RSF1: variants seen among roughly 807,000 people sequenced by gnomAD.
The protein encoded by RSF1 is HBV pX-associated protein 8.
A neutral mutation model predicts 145.2 loss-of-function variants in RSF1; 13 were observed. The ratio of observed to expected loss-of-function variants is 0.09; its 90% confidence interval spans 0.06 to 0.14. The LOEUF (loss-of-function observed/expected upper bound fraction) is 0.14, where lower values mean the gene tolerates loss of function less well. RSF1 is among the 10% of genes least tolerant of loss of function. The pLI is 1.00. For missense variants in RSF1, 1,517 were observed against 1,718.2 expected (o/e 0.88, Z 2.07); for synonymous variants, 577 against 592.6 (o/e 0.97, Z 0.38).
intron 1 of RSF1, among the ~76,000 whole-genome samples, chr11:77,769,868 T>C (rs1370901703): frequency 1.3e-5 from 2 of 152,236 alleles, no homozygotes; most frequent in Admixed American, 6.5e-5. Flanking sequence ...GATACAGTTA[T>C]GGAAACAGTT....
intron 15 of RSF1, 92 bp from the exon 16 acceptor site, chr11:77,667,583 CT>C: frequency 8.6e-7 from 1 of 1,156,436 alleles, no homozygotes; most frequent in Non-Finnish European, 1.2e-6. Context: ...CCACGTCCTG[CT>C]TTCAGAATTG....
At chr11:77,832,199 T>G in the RSF1 span, among the ~76,000 whole-genome samples, 6 of 152,174 alleles carry the variant, frequency 3.9e-5, no homozygotes, top group Non-Finnish European at 7.3e-5. Context: ...GTACTTACAA[T>G]TATAGGTTTG....
the RSF1 span, among the ~76,000 whole-genome samples, chr11:77,857,199 A>C: frequency 6.6e-6 from 1 of 152,236 alleles, no homozygotes; most frequent in Non-Finnish European, 1.5e-5. Context: ...GCCACGGTAG[A>C]TGAACCAAGA....
chr11:77,809,098 G>A (rs951864362), intron 1 of RSF1, among the ~76,000 whole-genome samples: 3 of 152,158 alleles, frequency 2.0e-5, no homozygotes, highest in Middle Eastern at 3.2e-3. Context: ...AGCATTACAA[G>A]TATCTTTTTA....
chr11:77,780,260 C>A (rs772308095), intron 1 of RSF1, among the ~76,000 whole-genome samples: 1 of 152,152 alleles, frequency 6.6e-6, no homozygotes, highest in African/African-American at 2.4e-5. Flanking sequence ...ACCCAAGTAA[C>A]TAACTGATTA....
chr11:77,790,063 T>G (rs778111695), intron 1 of RSF1, among the ~76,000 whole-genome samples: 3 of 152,200 alleles, frequency 2.0e-5, no homozygotes, highest in Admixed American at 6.5e-5. Context: ...GCTGACTGCC[T>G]AAGAGCCTGT....
intron 2 of RSF1, among the ~76,000 whole-genome samples, chr11:77,759,184 T>C (rs577573248): frequency 6.6e-6 from 1 of 152,308 alleles, no homozygotes; most frequent in East Asian, 1.9e-4. Flanking sequence ...AAATAAGTAT[T>C]TTATACTATA....
intron 8 of RSF1, 105 bp downstream of exon 8, chr11:77,693,402 T>C: frequency 1.5e-6 from 1 of 682,592 alleles, no homozygotes; most frequent in Non-Finnish European, 2.6e-6. Flanking sequence ...AAATACTATT[T>C]ACACATTGCT....
the RSF1 span, among the ~76,000 whole-genome samples, chr11:77,862,399 G>A: frequency 6.6e-6 from 1 of 152,204 alleles, no homozygotes; most frequent in Non-Finnish European, 1.5e-5. Context: ...AGGGTTATCT[G>A]AGAATTTACC....
the RSF1 span, among the ~76,000 whole-genome samples, chr11:77,852,224 C>A: frequency 4.1e-3 from 138 of 33,490 alleles, no homozygotes; most frequent in South Asian, 4.9e-3. Flanking sequence ...GACACTGTCT[C>A]AAAAAAAAAA....
chr11:77,660,578 T>C lies in RSF1; in HGVS notation c.*6339A>G, dbSNP rs1462187779. The C allele has an allele frequency of 6.6e-6, 1 of 152,182 alleles. No individual in the cohort carries two copies. Among genetic ancestry groups the C allele is most frequent in the Non-Finnish European group, 1.5e-5 (1 of 68,028 alleles). 9.4% of individuals were successfully genotyped at this position (152,182 alleles called of 1,614,324 possible). ...AACCAAATAAAACATTCTGAGAACCTATTCCAGGAATATTTTTTTTAACGC... is the reference window on the plus strand; with the variant it reads ...AACCAAATAAAACATTCTGAGAACCCATTCCAGGAATATTTTTTTTAACGC... On this transcript the variant is annotated 3_prime_UTR_variant, in exon 16 of 16. Transcript: ENST00000308488.
At chr11:77,812,444 C>T (rs771051905) in intron 1 of RSF1, among the ~76,000 whole-genome samples, 62 of 152,150 alleles carry the variant, frequency 4.1e-4, no homozygotes, top group Admixed American at 3.1e-3. Flanking sequence ...ACCTCCACTA[C>T]GAAAGCTTTC....
intron 1 of RSF1, among the ~76,000 whole-genome samples, chr11:77,777,366 T>G (rs901306983): frequency 6.6e-6 from 1 of 151,870 alleles, no homozygotes; most frequent in Non-Finnish European, 1.5e-5. Context: ...CTGCAGCGGG[T>G]GGATCCCCTG....
Position 77,820,545 on chromosome 11 carries a change from T to A in RSF1, c.170A>T (p.Asp57Val), listed in dbSNP as rs1410767942. 1.9e-6 allele frequency: 3 copies of A among 1,548,758 alleles called. No homozygotes were observed. The highest frequency in any genetic ancestry group is 2.6e-6 in the Non-Finnish European group (3 of 1,147,034). Residue 57 changes from aspartate (D) to valine (V), a missense_variant, in exon 1 of 16, where the codon GAC becomes GTC. By Grantham distance (152) the Asp-to-Val change is radical. Coordinates refer to ENST00000308488, the MANE Select transcript of RSF1 (RefSeq NM_016578.4). ...LERVLQAPPPDVGNGEVPKEL... is the reference protein window; with the variant it reads ...LERVLQAPPPVVGNGEVPKEL... Reference sequence around the variant, plus strand: ...TCGCTTACCTTCTCCGTTGCCGACGTCCGGCGGCGGCGCCTGCAGCACCCG... The same window carrying A: ...TCGCTTACCTTCTCCGTTGCCGACGACCGGCGGCGGCGCCTGCAGCACCCG...
chr11:77,814,739 C>T lies in RSF1; in HGVS notation c.187+5789G>A, dbSNP rs188666252. On this transcript the variant is annotated intron_variant, in intron 1 of 15. Coordinates refer to ENST00000308488, the MANE Select transcript of RSF1 (RefSeq NM_016578.4). The stretch of plus-strand genomic sequence containing the variant: ...GGATTACAGGCATGAGCCACCGTGC[C>T]CAGCCGAAAAAATACATTTTTATAA... Among the ~76,000 whole-genome samples, 7 of 152,216 alleles carry T rather than the reference C, an allele frequency of 4.6e-5. No homozygotes were observed. In the East Asian group the frequency reaches 1.4e-3, roughly 29 times the overall value.
chr11:77,736,394 A>G (rs111320619), intron 4 of RSF1, among the ~76,000 whole-genome samples: 5 of 152,234 alleles, frequency 3.3e-5, no homozygotes, highest in African/African-American at 9.6e-5. Flanking sequence ...ACTTTACTAT[A>G]TTAATGTTTC....
chr11:77,667,365 C>T lies in RSF1; in HGVS notation c.3878G>A (p.Gly1293Asp), dbSNP rs771275421. Residue 1293 changes from glycine (G) to aspartate (D), a missense_variant, in exon 16 of 16, where the codon GGC (glycine) becomes GAC (aspartate). Gly to Asp is a moderately conservative substitution (Grantham distance 94). Around this residue, in one of 12 missense-constraint regions of RSF1, gnomAD observed 240 missense variants for 231.8 expected, o/e 1.04. Coordinates refer to ENST00000308488, the MANE Select transcript of RSF1 (RefSeq NM_016578.4). ...GTGTAGCCGTTTGCGGGATGGTTTG[C>T]CTTCCTCTTCCTCCTCCTCCTCATC... is the stretch of plus-strand genomic sequence containing the variant. ...EADEEEEEEE[G>D]KPSRKRLHRI... 1 of 1,613,926 alleles carries T rather than the reference C, an allele frequency of 6.2e-7. No homozygotes were observed. Among genetic ancestry groups the T allele is most frequent in the Non-Finnish European group, 8.5e-7 (1 of 1,179,932 alleles).
At chr11:77,855,952 T>C in the RSF1 span, among the ~76,000 whole-genome samples, 870 of 152,106 alleles carry the variant, frequency 5.7e-3, 6 homozygotes, top group African/African-American at 0.018. Flanking sequence ...ACCCTGGCTC[T>C]AGCAAAAACA....
the RSF1 span, among the ~76,000 whole-genome samples, chr11:77,840,109 C>T: frequency 6.6e-6 from 1 of 152,068 alleles, no homozygotes; most frequent in Non-Finnish European, 1.5e-5. Flanking sequence ...CACACACACA[C>T]ACACACACAC....
Sources: gnomAD v4.1 joint callset for allele counts (sites outside exome capture counted in the v4.1 genomes callset) on GRCh38, gnomAD v4.1.1 for gene constraint, gnomAD v4.1.1 regional missense constraint, MANE v1.5 for transcripts, NCBI Gene and HGNC (gene_info 2026-07-23, HGNC 2026-07-21) for gene names.